Variants in ZBED4 observed in about 807,000 individuals in gnomAD.
The protein encoded by ZBED4 is zinc finger BED domain-containing protein 4.
In ZBED4, 4 loss-of-function variants were observed where a neutral mutation model predicts 15.5. The observed-to-expected ratio is 0.26, with a 90% confidence interval of 0.13 to 0.59. The LOEUF (loss-of-function observed/expected upper bound fraction) is 0.59. ZBED4 is among the 20% of genes least tolerant of loss of function. The pLI, the probability that ZBED4 is intolerant of heterozygous loss-of-function variation, is 0.90. For synonymous variants in ZBED4, 692 were observed against 608.5 expected (o/e 1.14, Z -2.02); for missense variants, 1,323 against 1,461.8 (o/e 0.91, Z 1.55).
intron 1 of ZBED4, among the ~76,000 whole-genome samples, chr22:49,863,766 C>CT (rs1178395845): frequency 6.6e-6 from 1 of 152,126 alleles, no homozygotes; most frequent in Non-Finnish European, 1.5e-5. Flanking sequence ...ATGCCTGATT[C>CT]TTTTTTTAAA....
At chr22:49,860,701 T>A (rs2060292967) in intron 1 of ZBED4, among the ~76,000 whole-genome samples, 1 of 152,190 alleles carries the variant, frequency 6.6e-6, no homozygotes, top group Admixed American at 6.5e-5. Flanking sequence ...AAATTTTATG[T>A]ACAAAATAAT....
rs766047605 is a variant in ZBED4 at position 49,885,447 on chromosome 22, G to T, written c.1785G>T (p.Leu595Phe). 6.2e-7 allele frequency: 1 copy of T among 1,610,954 alleles called. No individual in the cohort carries two copies. Among genetic ancestry groups the T allele is most frequent in the Non-Finnish European group, 8.5e-7 (1 of 1,177,398 alleles). ...GCCGGGGGAAGAAGCCGACTAACTTGGGTACCAGCTGTCTTCTGAGACATT... is the reference window on the plus strand; with the variant it reads ...GCCGGGGGAAGAAGCCGACTAACTTTGGTACCAGCTGTCTTCTGAGACATT... ...TISRGKKPTNLGTSCLLRHLQ... is the reference protein window; with the variant it reads ...TISRGKKPTNFGTSCLLRHLQ... Residue 595 changes from leucine to phenylalanine, a missense_variant, in exon 2 of 2, where the codon TTG (leucine) becomes TTT (phenylalanine). By Grantham distance (22) the Leu-to-Phe change is conservative (BLOSUM62 0). Coordinates refer to ENST00000216268, the MANE Select transcript of ZBED4 (RefSeq NM_014838.3).
intron 1 of ZBED4, among the ~76,000 whole-genome samples, chr22:49,862,832 A>T (rs1162941474): frequency 6.6e-6 from 1 of 150,480 alleles, no homozygotes; most frequent in Non-Finnish European, 1.5e-5. Context: ...TTCCTGAGTA[A>T]CTGGGATTAC....
At position 49,883,842 on chromosome 22, in the gene ZBED4, C is replaced by T. The variant is rs767442509; in HGVS notation, c.180C>T (p.Gly60=). The change falls in exon 2 of 2, where the codon GGC becomes GGT. Residue 60 remains glycine (G), a synonymous_variant. Coordinates refer to ENST00000216268, the MANE Select transcript of ZBED4 (RefSeq NM_014838.3). The part of the protein sequence containing the change: ...KQTDSGGERA[G]LGGTGCSCKP... ...CAGACAGCGGTGGGGAGCGAGCGGG[C>T]CTCGGTGGGACGGGTTGCAGCTGCA... 29 of 1,610,318 alleles carry T rather than the reference C, an allele frequency of 1.8e-5. No homozygotes were observed. The highest frequency in any genetic ancestry group is 2.4e-5 in the Non-Finnish European group (28 of 1,177,148).
chr22:49,871,938 G>C (rs2060350456), intron 1 of ZBED4, among the ~76,000 whole-genome samples: 1 of 151,912 alleles, frequency 6.6e-6, no homozygotes, highest in Non-Finnish European at 1.5e-5. Flanking sequence ...TAGAGACGAG[G>C]TTTCACCATG....
At chr22:49,878,166 G>A (rs1482274391) in intron 1 of ZBED4, among the ~76,000 whole-genome samples, 6 of 152,064 alleles carry the variant, frequency 3.9e-5, no homozygotes, top group South Asian at 2.1e-4. Flanking sequence ...TTAGCCAGAC[G>A]TGGTGACAGG....
intron 1 of ZBED4, among the ~76,000 whole-genome samples, chr22:49,859,099 A>T (rs1254604946): frequency 1.3e-5 from 2 of 152,152 alleles, no homozygotes; most frequent in Non-Finnish European, 2.9e-5. Flanking sequence ...AGACCTCCAC[A>T]TGCTGTTTGC....
intron 1 of ZBED4, among the ~76,000 whole-genome samples, chr22:49,863,924 C>T (rs1274231584): frequency 6.6e-6 from 1 of 152,230 alleles, no homozygotes; most frequent in East Asian, 1.9e-4. Context: ...AGAGCCCCTA[C>T]AAGCTGGCTC....
chr22:49,871,515 A>G (rs2060347417), intron 1 of ZBED4, among the ~76,000 whole-genome samples: 1 of 151,998 alleles, frequency 6.6e-6, no homozygotes, highest in South Asian at 2.1e-4. Context: ...TTTCAGTATA[A>G]TGTAGTCTGG....
intron 1 of ZBED4, among the ~76,000 whole-genome samples, chr22:49,855,884 C>T (rs1180898472): frequency 1.3e-5 from 2 of 152,162 alleles, no homozygotes; most frequent in East Asian, 1.9e-4. Context: ...GAGAATGTAC[C>T]TATAGGAATT....
intron 1 of ZBED4, among the ~76,000 whole-genome samples, chr22:49,878,724 T>A (rs1354521737): frequency 6.6e-6 from 1 of 152,020 alleles, no homozygotes; most frequent in African/African-American, 2.4e-5. Flanking sequence ...AAGTAAAAAC[T>A]TATGCTCTTC....
intron 1 of ZBED4, among the ~76,000 whole-genome samples, chr22:49,878,470 A>G (rs1305617252): frequency 1.3e-5 from 2 of 152,190 alleles, no homozygotes; most frequent in African/African-American, 4.8e-5. Flanking sequence ...CGAGCAACCA[A>G]TTCTCAACAA....
Position 49,885,180 on chromosome 22 carries a change from A to T in ZBED4, c.1518A>T (p.Pro506=), listed in dbSNP as rs1228116607. The T allele has an allele frequency of 3.1e-6, 5 of 1,613,728 alleles. No homozygotes were observed. The change falls in exon 2 of 2, where the codon CCA becomes CCT. Residue 506 remains proline, a synonymous_variant. Coordinates refer to ENST00000216268, the MANE Select transcript of ZBED4 (RefSeq NM_014838.3). The part of the protein sequence containing the change: ...CLMRHLYRRH[P]EVVGSQKGFL... ...TGAGACATCTCTACCGGCGCCATCCAGAAGTTGTCGGGAGCCAGAAGGGCT... is the reference window on the plus strand; with the variant it reads ...TGAGACATCTCTACCGGCGCCATCCTGAAGTTGTCGGGAGCCAGAAGGGCT...
intron 1 of ZBED4, among the ~76,000 whole-genome samples, chr22:49,864,405 C>T (rs928144085): frequency 6.6e-6 from 1 of 152,240 alleles, no homozygotes; most frequent in African/African-American, 2.4e-5. Context: ...TCTTCCCATT[C>T]TGTGTAGTTA....
chr22:49,870,775 C>A (rs1461536596), intron 1 of ZBED4, among the ~76,000 whole-genome samples: 1 of 152,024 alleles, frequency 6.6e-6, no homozygotes, highest in Non-Finnish European at 1.5e-5. Flanking sequence ...TCTGTTTATT[C>A]TGTCGATGGT....
At chr22:49,856,913 A>G (rs1398150217) in intron 1 of ZBED4, among the ~76,000 whole-genome samples, 1 of 152,162 alleles carries the variant, frequency 6.6e-6, no homozygotes, top group Non-Finnish European at 1.5e-5. Flanking sequence ...AAGGCTTTTC[A>G]GCAGCCATGG....
At chr22:49,864,854 G>A (rs1213127390) in intron 1 of ZBED4, among the ~76,000 whole-genome samples, 4 of 122,704 alleles carry the variant, frequency 3.3e-5, no homozygotes, top group Non-Finnish European at 6.5e-5. Context: ...TGATTAAACC[G>A]TCGTAGAGCT....
rs769372002 is a variant in ZBED4, at chr22:49,886,059, C to T, written c.2397C>T (p.Thr799=). ...GGTGGGAAGCGTGGGTGACCTCCACCGGCCTTCAGGTGGGCATCACCGTCA... is the reference window on the plus strand; with the variant it reads ...GGTGGGAAGCGTGGGTGACCTCCACTGGCCTTCAGGTGGGCATCACCGTCA... ...ECWWEAWVTS[T]GLQVGITVTD... The change falls in exon 2 of 2, where the codon ACC becomes ACT. Residue 799 remains threonine (T), a synonymous_variant. Transcript: ENST00000216268. The surrounding 1 kb of genome is among the most constrained non-coding windows in gnomAD (Gnocchi z 7.7). 2.8e-5 allele frequency: 19 copies of T among 681,718 alleles called. No homozygotes were observed. The highest frequency in any genetic ancestry group is 1.9e-4 in the South Asian group (11 of 58,240). 42.2% of individuals were successfully genotyped at this position (681,718 alleles called of 1,614,324 possible).
chr22:49,879,101 C>T (rs796290900), intron 1 of ZBED4, among the ~76,000 whole-genome samples: 19 of 149,452 alleles, frequency 1.3e-4, no homozygotes, highest in African/African-American at 4.4e-4. Context: ...GCCGAGATCG[C>T]GCCACTGCAC....
Sources: allele counts gnomAD v4.1 joint callset (sites outside exome capture counted in the v4.1 genomes callset), GRCh38; gene constraint gnomAD v4.1.1; non-coding constraint Gnocchi (gnomAD v3.1); transcripts MANE v1.5; gene names NCBI Gene and HGNC (gene_info 2026-07-23, HGNC 2026-07-21).